The following OR7A17 variants were observed in gnomAD, a reference collection of about 807,000 sequenced individuals.
OR7A17 encodes olfactory receptor family 7 subfamily A member 17, also known as olfactory receptor 7A17.
For synonymous variants in OR7A17, 159 were observed against 142.1 expected (o/e 1.12, Z -0.85); for missense variants, 366 against 365.5 (o/e 1.00, Z -0.01).
At chr19:14,882,736 G>C (rs1164469019) in intron 1 of OR7A17, among the ~76,000 whole-genome samples, 1 of 152,218 alleles carries the variant, frequency 6.6e-6, no homozygotes, top group Non-Finnish European at 1.5e-5. Context: ...TCTATTATGA[G>C]ATACCTTTTG....
intron 1 of OR7A17, among the ~76,000 whole-genome samples, chr19:14,883,198 G>A (rs2045120567): frequency 6.6e-6 from 1 of 152,160 alleles, no homozygotes; most frequent in South Asian, 2.1e-4. Context: ...CCAGCACTTT[G>A]GGAGGCTGAG....
intron 1 of OR7A17, chr19:14,884,737 C>T (rs1212772788): frequency 1.3e-5 from 2 of 152,062 alleles, no homozygotes; most frequent in African/African-American, 4.8e-5. Context: ...CGATTTCAAA[C>T]AATGGAAAAA....
rs1288293296 is a variant in OR7A17, at chr19:14,879,739, C to T, written c.*687G>A. 1 of 152,070 alleles carries T rather than the reference C, an allele frequency of 6.6e-6. No homozygotes were observed. The highest frequency in any genetic ancestry group is 2.0e-4 in the East Asian group (1 of 5,084). 9.4% of individuals were successfully genotyped at this position (152,070 alleles called of 1,614,324 possible). On this transcript the variant is annotated 3_prime_UTR_variant, in exon 3 of 3. Transcript: ENST00000641113. ...AGGAGTTCGAGACCAGCCTGGCCAA[C>T]ATGGTGAAACCCCTTCCCTACTAAA...
rs1048625526 is a variant in OR7A17 at position 14,878,338 on chromosome 19, G to A, written c.*2088C>T. ...GCTGGTTAGAAATTCAGGTTCCTTTGTGAGTCATCATTTGATTATAAGGGT... is the reference window on the plus strand; with the variant it reads ...GCTGGTTAGAAATTCAGGTTCCTTTATGAGTCATCATTTGATTATAAGGGT... On this transcript the variant is annotated 3_prime_UTR_variant, in exon 3 of 3. Coordinates refer to ENST00000641113, the MANE Select transcript of OR7A17 (RefSeq NM_030901.2). 2.0e-5 allele frequency: 3 copies of A among 152,176 alleles called. No homozygotes were observed. The highest frequency in any genetic ancestry group is 4.4e-5 in the Non-Finnish European group (3 of 68,034). 9.4% of individuals were successfully genotyped at this position (152,176 alleles called of 1,614,324 possible). A position where few individuals can be genotyped will look rare whatever the true frequency, so the allele number is the denominator to read the frequency against.
chr19:14,883,572 C>T (rs1309910455), intron 1 of OR7A17, among the ~76,000 whole-genome samples: 1 of 152,132 alleles, frequency 6.6e-6, no homozygotes, highest in East Asian at 1.9e-4. Context: ...TTACATTTTA[C>T]TTTGTCTTCT....
chr19:14,884,251 T>C (rs892289453), intron 1 of OR7A17, among the ~76,000 whole-genome samples: 2 of 152,156 alleles, frequency 1.3e-5, no homozygotes, highest in Non-Finnish European at 2.9e-5. Context: ...TAAATAAAAG[T>C]TAAAACTTTT....
rs1393154723 is a variant in OR7A17, at chr19:14,886,129, T to C, written c.-483A>G. On this transcript the variant is annotated 5_prime_UTR_variant, in exon 1 of 3. Transcript: ENST00000641113. ...GTCATTTCCAGCCCAAGGTTGCATA[T>C]GCTGAGGGACTGCAGCAGAGGAGAT... is the stretch of plus-strand genomic sequence containing the variant. 9 of 152,276 alleles carry C rather than the reference T, an allele frequency of 5.9e-5. No individual in the cohort carries two copies. Among genetic ancestry groups the C allele is most frequent in the African/African-American group, 1.9e-4 (8 of 41,470 alleles). The allele number at this position is 152,276 out of a possible 1,614,324, so 9.4% of individuals were successfully genotyped here.
In OR7A17 at chr19:14,880,567, A is replaced by C. The variant is rs756789510; in HGVS notation, c.789T>G (p.Ala263=). The C allele has an allele frequency of 2.5e-6, 4 of 1,614,180 alleles. No homozygotes were observed. In the South Asian group the frequency reaches 4.4e-5, roughly 18 times the overall value. Residue 263 remains alanine, a synonymous_variant, in exon 3 of 3, where the codon GCT becomes GCG. Coordinates refer to ENST00000641113, the MANE Select transcript of OR7A17 (RefSeq NM_030901.2). ...CTGLGVYLTS[A]ATHNSHTSAT... is the part of the protein sequence containing the mutation. Reference sequence around the variant, plus strand: ...CACTTGTGTGTGAGTTGTGGGTTGCAGCAGAAGTAAGGTACACACCTAGGC... The same window carrying C: ...CACTTGTGTGTGAGTTGTGGGTTGCCGCAGAAGTAAGGTACACACCTAGGC...
chr19:14,880,242 G>T lies in OR7A17; in HGVS notation c.*184C>A. On this transcript the variant is annotated 3_prime_UTR_variant, in exon 3 of 3. Transcript: ENST00000641113. ...AAAAAAAAAAAAAGATTGGATATCAGAGAGCGGAAAGCTTTATAAAGGAAT... is the reference window on the plus strand; with the variant it reads ...AAAAAAAAAAAAAGATTGGATATCATAGAGCGGAAAGCTTTATAAAGGAAT... The T allele has an allele frequency of 9.4e-6, 3 of 320,574 alleles. No individual in the cohort carries two copies. The highest frequency in any genetic ancestry group is 5.2e-5 in the East Asian group (1 of 19,068). 19.9% of individuals were successfully genotyped at this position (320,574 alleles called of 1,614,324 possible).
At chr19:14,882,237 G>C (rs1012416082) in intron 1 of OR7A17, among the ~76,000 whole-genome samples, 1 of 152,162 alleles carries the variant, frequency 6.6e-6, no homozygotes, top group Non-Finnish European at 1.5e-5. Flanking sequence ...CTATAAAACA[G>C]AGTCCCTACA....
Position 14,878,890 on chromosome 19 carries a change from G to C in OR7A17, c.*1536C>G, listed in dbSNP as rs2045092176. On this transcript the variant is annotated 3_prime_UTR_variant, in exon 3 of 3. Transcript: ENST00000641113. Reference sequence around the variant, plus strand: ...AGGGTTTCACCATGTTGGCCAGCCTGGTCTTGAACTCCTGACTTCAGGTAA... The same window carrying C: ...AGGGTTTCACCATGTTGGCCAGCCTCGTCTTGAACTCCTGACTTCAGGTAA... 6.6e-6 allele frequency: 1 copy of C among 152,070 alleles called. No homozygotes were observed. Among genetic ancestry groups the C allele is most frequent in the African/African-American group, 2.4e-5 (1 of 41,414 alleles). 9.4% of individuals were successfully genotyped at this position (152,070 alleles called of 1,614,324 possible). A position where few individuals can be genotyped will look rare whatever the true frequency, so the allele number is the denominator to read the frequency against.
rs1213581830 is a variant in OR7A17, at chr19:14,880,781, G to T, written c.575C>A (p.Thr192Asn). The T allele has an allele frequency of 1.9e-6, 3 of 1,614,218 alleles. No homozygotes were observed. The highest frequency in any genetic ancestry group is 2.7e-5 in the African/African-American group (2 of 75,050). ...NQVIHLACSD[T>N]FLNDMGMYFA... is the part of the protein sequence containing the mutation. ...ATACATCCCCATGTCATTAAGAAAG[G>T]TGTCAGAACAGGCAAGGTGGATGAC... The change falls in exon 3 of 3, where the codon ACC becomes AAC. Residue 192 changes from threonine (T) to asparagine (N), a missense_variant. Thr to Asn is a moderately conservative substitution (Grantham distance 65). Transcript: ENST00000641113.
chr19:14,880,294 C>G lies in OR7A17; in HGVS notation c.*132G>C, dbSNP rs1440684641. 1.1e-5 allele frequency: 7 copies of G among 640,978 alleles called. No individual in the cohort carries two copies. Among genetic ancestry groups the G allele is most frequent in the African/African-American group, 1.8e-5 (1 of 54,184 alleles). The allele number at this position is 640,978 out of a possible 1,614,324, so 39.7% of individuals were successfully genotyped here. ...CATTAAATTCTATGTCAGTTGAGAT[C>G]AAAGAAATTGAAACTCTGAGAAAAA... is the stretch of plus-strand genomic sequence containing the variant. On this transcript the variant is annotated 3_prime_UTR_variant, in exon 3 of 3. Transcript: ENST00000641113.
chr19:14,883,630 TTTG>T (rs2045122984), intron 1 of OR7A17, among the ~76,000 whole-genome samples: 1 of 152,158 alleles, frequency 6.6e-6, no homozygotes, highest in African/African-American at 2.4e-5. Context: ...CTGCTTTAAG[TTTG>T]TATTTTCACA....
intron 1 of OR7A17, among the ~76,000 whole-genome samples, chr19:14,883,761 A>G (rs1247901546): frequency 6.6e-6 from 1 of 152,238 alleles, no homozygotes; most frequent in African/African-American, 2.4e-5. Flanking sequence ...CCAAACAACT[A>G]TATTTTTTAA....
rs763483201 is a variant in OR7A17 at position 14,880,720 on chromosome 19, C to T, written c.636G>A (p.Val212=). The change falls in exon 3 of 3, where the codon GTG becomes GTA. Residue 212 remains valine, a synonymous_variant. Coordinates refer to ENST00000641113, the MANE Select transcript of OR7A17 (RefSeq NM_030901.2). The part of the protein sequence containing the change: ...AAGLLAGGPL[V]GILCSYSKIV... The stretch of plus-strand genomic sequence containing the variant: ...TCTTAGAGTAAGAGCAAAGGATCCC[C>T]ACAAGGGGACCACCAGCCAGCAGCC... The T allele has an allele frequency of 3.1e-6, 5 of 1,614,108 alleles. No homozygotes were observed. Among genetic ancestry groups the T allele is most frequent in the Admixed American group, 1.7e-5 (1 of 60,010 alleles).
rs139004201 is a variant in OR7A17, at chr19:14,881,069, C to T, written c.287G>A (p.Gly96Asp). The T allele has an allele frequency of 1.0e-2, 16,080 of 1,614,120 alleles. 105 individuals are homozygous for T. Among genetic ancestry groups the T allele is most frequent in the Non-Finnish European group, 0.013 (14,817 of 1,180,026 alleles). The change falls in exon 3 of 3, where the codon GGC (glycine) becomes GAC (aspartate). Residue 96 changes from glycine to aspartate, a missense_variant. Gly to Asp is a moderately conservative substitution (Grantham distance 94). Coordinates refer to ENST00000641113, the MANE Select transcript of OR7A17 (RefSeq NM_030901.2). ...AAAAAAGCACATCTGGGTGATGCAG[C>T]CTGCATAGGTGATGACTCTGCTCTG... ...QTQSRVITYA[G>D]CITQMCFFVL...
chr19:14,883,299 G>T (rs2045121084), intron 1 of OR7A17, among the ~76,000 whole-genome samples: 1 of 152,198 alleles, frequency 6.6e-6, no homozygotes, highest in Non-Finnish European at 1.5e-5. Context: ...AATTAGCCAG[G>T]TGTGGAGGCA....
In OR7A17 at chr19:14,885,541, A is replaced by G. The variant is rs1476416423; in HGVS notation, c.-295+400T>C. On this transcript the variant is annotated intron_variant, in intron 1 of 2. Coordinates refer to ENST00000641113, the MANE Select transcript of OR7A17 (RefSeq NM_030901.2). ...ATTCACAATTGCTACAAAGAGAATA[A>G]AATACCTAGGAATATAACCTACAAG... Among the ~76,000 whole-genome samples, 3 of 152,198 alleles carry G rather than the reference A, an allele frequency of 2.0e-5. No individual in the cohort carries two copies. The East Asian group carries it at 5.8e-4, about 29-fold the overall frequency.
Sources: gnomAD v4.1 joint callset for allele counts (sites outside exome capture counted in the v4.1 genomes callset) on GRCh38, gnomAD v4.1.1 for gene constraint, MANE v1.5 for transcripts, NCBI Gene and HGNC (gene_info 2026-07-23, HGNC 2026-07-21) for gene names.